The following CLIP4 variants were observed in gnomAD, a reference collection of about 807,000 sequenced individuals.
The protein encoded by CLIP4 is CAP-Gly domain-containing linker protein 4.
Under a neutral mutation model 73.1 loss-of-function variants are expected in CLIP4, and 47 were observed. The observed-to-expected ratio is 0.64, with a 90% CI of 0.51 to 0.82. The LOEUF (loss-of-function observed/expected upper bound fraction) is 0.82. CLIP4 is among the 40% of genes least tolerant of loss of function. The probability of loss-of-function intolerance (pLI) is 0.00; values close to 1 mark genes in which losing one functional copy is unlikely to be tolerated. For missense variants in CLIP4, 874 were observed against 852.9 expected (o/e 1.02, Z -0.31); for synonymous variants, 306 against 295.4 (o/e 1.04, Z -0.37).
intron 6 of CLIP4, among the ~76,000 whole-genome samples, chr2:29,142,437 A>T (rs1665836978): frequency 1.3e-5 from 2 of 152,298 alleles, no homozygotes; most frequent in African/African-American, 4.8e-5. Flanking sequence ...CATAGCTTAC[A>T]ACTTAGCCTG....
At position 29,160,333 on chromosome 2, in the gene CLIP4, G is replaced by A. The variant is rs1396422136; in HGVS notation, c.1400G>A (p.Gly467Asp). The A allele has an allele frequency of 1.2e-6, 2 of 1,613,866 alleles. No individual in the cohort carries two copies. The highest frequency in any genetic ancestry group is 1.3e-5 in the African/African-American group (1 of 74,864). The change falls in exon 12 of 16, where the codon GGT (glycine) becomes GAT (aspartate). Residue 467 changes from glycine (G) to aspartate (D), a missense_variant and splice_region_variant. Gly to Asp is a moderately conservative substitution (Grantham distance 94). Coordinates refer to ENST00000320081, the MANE Select transcript of CLIP4 (RefSeq NM_024692.6). ...SPSLSSRASA[G>D]LNSSATSTAN... ...CTGTATCCCTCCCTGACTTAAACAG[G>A]TTTGAATTCCTCAGCAACATCTACA...
intron 1 of CLIP4, among the ~76,000 whole-genome samples, chr2:29,117,524 GT>G (rs1663945943): frequency 6.6e-6 from 1 of 151,996 alleles, no homozygotes; most frequent in African/African-American, 2.4e-5. Flanking sequence ...TTGCTGTGGG[GT>G]TTCACCATAT....
chr2:29,102,818 G>A (rs1668089466), intron 1 of CLIP4, among the ~76,000 whole-genome samples: 1 of 152,084 alleles, frequency 6.6e-6, no homozygotes, highest in East Asian at 1.9e-4. Context: ...TAGAGACAGG[G>A]TTTCGCCATG....
At chr2:29,133,056 T>C (rs1665091235) in intron 4 of CLIP4, among the ~76,000 whole-genome samples, 1 of 151,948 alleles carries the variant, frequency 6.6e-6, no homozygotes, top group Non-Finnish European at 1.5e-5. Flanking sequence ...ACCATGGTGG[T>C]GCATGCCTAG....
At chr2:29,119,046 G>T (rs1197194120) in intron 1 of CLIP4, among the ~76,000 whole-genome samples, 1 of 152,174 alleles carries the variant, frequency 6.6e-6, no homozygotes, top group Non-Finnish European at 1.5e-5. Flanking sequence ...AGTTTCCTTT[G>T]GGAGGACAAA....
Position 29,167,527 on chromosome 2 carries a change from C to A in CLIP4, c.1710C>A (p.Asn570Lys). ...CAGAAATTTCTTCAAATAAACAGAA[C>A]CATTCTTATCCTGGTAAGACTACAC... ...TLSEISSNKQ[N>K]HSYPGFRRSF... The change falls in exon 14 of 16, where the codon AAC (asparagine) becomes AAA (lysine). Residue 570 changes from asparagine to lysine, a missense_variant. Asn to Lys is a moderately conservative substitution (Grantham distance 94, BLOSUM62 0). Transcript: ENST00000320081. The A allele has an allele frequency of 6.2e-7, 1 of 1,605,302 alleles. No homozygotes were observed. Among genetic ancestry groups the A allele is most frequent in the Non-Finnish European group, 8.5e-7 (1 of 1,175,610 alleles).
At chr2:29,113,403 AT>A (rs1236643649), upstream of CLIP4, among the ~76,000 whole-genome samples, 1 of 152,228 alleles carries the variant, frequency 6.6e-6, no homozygotes, top group African/African-American at 2.4e-5. The surrounding 1 kb of genome is among the most constrained non-coding windows in gnomAD (Gnocchi z 4.0). Flanking sequence ...CTGGCCACAT[AT>A]CATTGTCCAG....
intron 14 of CLIP4, among the ~76,000 whole-genome samples, chr2:29,169,344 T>G (rs930481556): frequency 7.1e-6 from 1 of 140,560 alleles, no homozygotes; most frequent in Admixed American, 6.9e-5. Flanking sequence ...TGTGTGTGTG[T>G]GTGTGTGTGT....
At chr2:29,116,240 C>T (rs1482579819) in intron 1 of CLIP4, among the ~76,000 whole-genome samples, 2 of 152,202 alleles carry the variant, frequency 1.3e-5, no homozygotes, top group Admixed American at 6.5e-5. Context: ...CCTTAAGGAT[C>T]CCATTCACTG....
intron 15 of CLIP4, among the ~76,000 whole-genome samples, chr2:29,176,040 C>T (rs1055604563): frequency 4.6e-5 from 7 of 152,184 alleles, no homozygotes; most frequent in Non-Finnish European, 1.0e-4. Context: ...GGATTACAGG[C>T]GTGAGCCACC....
intron 6 of CLIP4, among the ~76,000 whole-genome samples, chr2:29,136,340 C>G (rs1042358063): frequency 6.6e-6 from 1 of 152,032 alleles, no homozygotes; most frequent in Non-Finnish European, 1.5e-5. Context: ...CACCTGTCTT[C>G]CCTTCCCTTT....
chr2:29,111,412 AAAC>A (rs1323521030), upstream of CLIP4, among the ~76,000 whole-genome samples: 35 of 152,350 alleles, frequency 2.3e-4, no homozygotes, highest in African/African-American at 8.4e-4. Context: ...GGAAATTGGC[AAAC>A]ACTGTACGTT....
chr2:29,179,138 A>G (rs918614621), intron 15 of CLIP4, among the ~76,000 whole-genome samples: 1 of 152,182 alleles, frequency 6.6e-6, no homozygotes, highest in Non-Finnish European at 1.5e-5. Flanking sequence ...TTTGCAGTTT[A>G]TTTTAATATA....
intron 6 of CLIP4, among the ~76,000 whole-genome samples, chr2:29,142,366 T>A (rs1665832865): frequency 6.6e-6 from 1 of 152,052 alleles, no homozygotes; most frequent in Non-Finnish European, 1.5e-5. Flanking sequence ...AACAGAAGTG[T>A]GTGACAGGTT....
At chr2:29,118,879 A>G (rs2148457455) in intron 1 of CLIP4, among the ~76,000 whole-genome samples, 1 of 152,260 alleles carries the variant, frequency 6.6e-6, no homozygotes, top group Admixed American at 6.5e-5. Context: ...AGTTATCACC[A>G]GTTAACCATA....
intron 1 of CLIP4, among the ~76,000 whole-genome samples, chr2:29,116,563 C>G (rs547097258): frequency 2.0e-5 from 3 of 152,304 alleles, no homozygotes; most frequent in African/African-American, 4.8e-5. Context: ...AGTGAGTCGT[C>G]TAAACAGCAC....
At position 29,143,922 on chromosome 2, in the gene CLIP4, C is replaced by T. The variant is rs770172852; in HGVS notation, c.862C>T (p.Arg288Cys). 17 of 1,613,906 alleles carry T rather than the reference C, an allele frequency of 1.1e-5. No individual in the cohort carries two copies. Among genetic ancestry groups the T allele is most frequent in the Admixed American group, 1.0e-4 (6 of 59,994 alleles). ...LTSLGLKLGDRVVIAGQKVGT... is the reference protein window; with the variant it reads ...LTSLGLKLGDCVVIAGQKVGT... ...GTCACTTGGCCTGAAGTTGGGGGAT[C>T]GTGTTGTTATTGCAGGACAGAAGGT... Residue 288 changes from arginine to cysteine, a missense_variant, in exon 7 of 16, where the codon CGT becomes TGT. Physicochemically the swap from Arg to Cys is radical, Grantham distance 180 (BLOSUM62 -3). Transcript: ENST00000320081.
chr2:29,126,995 A>G (rs551216908), intron 2 of CLIP4, among the ~76,000 whole-genome samples: 6 of 152,284 alleles, frequency 3.9e-5, no homozygotes, highest in South Asian at 2.1e-4. Flanking sequence ...AGAGTTTTCT[A>G]TGGAAACACA....
At chr2:29,122,340 C>T (rs1285319840) in intron 2 of CLIP4, among the ~76,000 whole-genome samples, 1 of 151,422 alleles carries the variant, frequency 6.6e-6, no homozygotes, top group Non-Finnish European at 1.5e-5. Flanking sequence ...GAGTTATCTG[C>T]AGGTTTTGCA....
Sources: allele counts gnomAD v4.1 joint callset (sites outside exome capture counted in the v4.1 genomes callset), GRCh38; gene constraint gnomAD v4.1.1; non-coding constraint Gnocchi (gnomAD v3.1); transcripts MANE v1.5; gene names NCBI Gene and HGNC (gene_info 2026-07-23, HGNC 2026-07-21).